The following TRPC1 variants were observed in gnomAD, a reference collection of about 807,000 sequenced individuals.
TRPC1 encodes short transient receptor potential channel 1.
TRPC1 carries 42 observed loss-of-function variants against 88.2 expected under a neutral mutation model. That is an observed-to-expected ratio of 0.48 (90% CI 0.37 to 0.62). The LOEUF (loss-of-function observed/expected upper bound fraction) is 0.62, where lower values mean the gene tolerates loss of function less well. Ranked by LOEUF, TRPC1 falls within the 20% of genes least tolerant of loss-of-function variation. The pLI, the probability that TRPC1 is intolerant of heterozygous loss-of-function variation, is 0.00. For missense variants in TRPC1, 699 were observed against 957.3 expected (o/e 0.73, Z 3.56); for synonymous variants, 288 against 331.8 (o/e 0.87, Z 1.43).
intron 3 of TRPC1, among the ~76,000 whole-genome samples, chr3:142,743,961 T>A (rs1377492038): frequency 6.6e-6 from 1 of 152,144 alleles, no homozygotes; most frequent in Non-Finnish European, 1.5e-5. Context: ...AGAAAGACTT[T>A]ATGTGCATAA....
At chr3:142,800,031 C>T (rs982207688) in intron 9 of TRPC1, among the ~76,000 whole-genome samples, 4 of 152,094 alleles carry the variant, frequency 2.6e-5, no homozygotes, top group Non-Finnish European at 4.4e-5. Flanking sequence ...TCAAGGTGAT[C>T]TTTTCTGTAG....
At chr3:142,779,061 GT>G (rs1935874844) in intron 5 of TRPC1, among the ~76,000 whole-genome samples, 1 of 152,062 alleles carries the variant, frequency 6.6e-6, no homozygotes, top group African/African-American at 2.4e-5. Context: ...CATAATTTGA[GT>G]CTGAGTTATA....
chr3:142,797,593 T>C (rs1487864291), intron 9 of TRPC1, among the ~76,000 whole-genome samples: 1 of 152,156 alleles, frequency 6.6e-6, no homozygotes, highest in Non-Finnish European at 1.5e-5. Context: ...TACAAATGAA[T>C]GAACATCCCC....
At chr3:142,733,092 T>G (rs962797478) in intron 1 of TRPC1, among the ~76,000 whole-genome samples, 2 of 151,934 alleles carry the variant, frequency 1.3e-5, no homozygotes, top group Admixed American at 1.3e-4. Flanking sequence ...TTCATTTGCA[T>G]GACTGTGTTA....
intron 9 of TRPC1, among the ~76,000 whole-genome samples, chr3:142,799,154 C>T (rs1214319371): frequency 6.6e-6 from 1 of 151,960 alleles, no homozygotes; most frequent in East Asian, 1.9e-4. Context: ...TAGTAGTTTG[C>T]TTTAATTTCC....
At chr3:142,757,146 T>A (rs946735578) in intron 4 of TRPC1, among the ~76,000 whole-genome samples, 28 of 152,098 alleles carry the variant, frequency 1.8e-4, no homozygotes, top group Non-Finnish European at 3.8e-4. Flanking sequence ...TTAGGTTGAG[T>A]CCATATCTTG....
At position 142,784,808 on chromosome 3, in the gene TRPC1, G is replaced by A. The variant is rs761607753; in HGVS notation, c.1065G>A (p.Leu355=). The A allele has an allele frequency of 6.2e-7, 1 of 1,614,136 alleles. No individual in the cohort carries two copies. The highest frequency in any genetic ancestry group is 1.1e-5 in the South Asian group (1 of 91,084). Residue 355 remains leucine, a synonymous_variant, in exon 7 of 13, where the codon TTG becomes TTA. Coordinates refer to ENST00000476941, the MANE Select transcript of TRPC1 (RefSeq NM_001251845.2). ...CCTGTAAGAAGATAATGACTGTTTT[G>A]ACAGTAGGCATCTTTTGGCCAGTTT... ...KPTCKKIMTV[L]TVGIFWPVLS... is the part of the protein sequence containing the mutation.
Position 142,805,967 on chromosome 3 carries a change from T to C in TRPC1, c.2155-41T>C, listed in dbSNP as rs773503801. 8 of 1,551,806 alleles carry C rather than the reference T, an allele frequency of 5.2e-6. No individual in the cohort carries two copies. The South Asian group carries it at 9.4e-5, about 18-fold the overall frequency. ...TTTTGAACTCTACCTCATTTAAATA[T>C]CGTTTCTGCATATCCTTAGTATCAT... On this transcript the variant is annotated intron_variant, in intron 12 of 12. Transcript: ENST00000476941.
At chr3:142,764,910 A>G (rs1296559041) in intron 4 of TRPC1, among the ~76,000 whole-genome samples, 1 of 151,914 alleles carries the variant, frequency 6.6e-6, no homozygotes, top group Non-Finnish European at 1.5e-5. Context: ...CTTTTGAGGT[A>G]CTCTTTTATA....
intron 1 of TRPC1, among the ~76,000 whole-genome samples, chr3:142,729,962 T>C (rs547640197): frequency 1.6e-4 from 25 of 152,308 alleles, no homozygotes; most frequent in African/African-American, 5.5e-4. Context: ...GCACTGTTAT[T>C]AATAGCTTCT....
intron 11 of TRPC1, 74 bp downstream of exon 11, chr3:142,804,252 A>C: frequency 8.0e-7 from 1 of 1,248,254 alleles, no homozygotes. Context: ...AAGATAGCCA[A>C]AGATTATAAG....
chr3:142,756,691 T>TA (rs2108064084), intron 4 of TRPC1, among the ~76,000 whole-genome samples: 1 of 152,264 alleles, frequency 6.6e-6, no homozygotes, highest in South Asian at 2.1e-4. Context: ...GCCACATACT[T>TA]ACTGAAACTT....
At chr3:142,757,979 C>T (rs1935036643) in intron 4 of TRPC1, among the ~76,000 whole-genome samples, 1 of 151,720 alleles carries the variant, frequency 6.6e-6, no homozygotes, top group African/African-American at 2.4e-5. Flanking sequence ...CAATTATACT[C>T]TTTTATAATG....
At chr3:142,804,240 A>T in intron 11 of TRPC1, 62 bp downstream of exon 11, 1 of 1,455,630 alleles carries the variant, frequency 6.9e-7, no homozygotes, top group Non-Finnish European at 9.5e-7. Context: ...CATACAATAG[A>T]TAAGATAGCC....
At chr3:142,728,885 A>G (rs1933788584) in intron 1 of TRPC1, among the ~76,000 whole-genome samples, 1 of 152,184 alleles carries the variant, frequency 6.6e-6, no homozygotes, top group South Asian at 2.1e-4. Flanking sequence ...AGTACTGAGT[A>G]TTGGTGTGAA....
Position 142,804,441 on chromosome 3 carries a change from T to A in TRPC1, c.1965T>A (p.His655Gln). 6.2e-7 allele frequency: 1 copy of A among 1,609,954 alleles called. No individual in the cohort carries two copies. The highest frequency in any genetic ancestry group is 8.5e-7 in the Non-Finnish European group (1 of 1,178,548). The part of the protein sequence containing the change: ...LHKSFQLIAN[H>Q]EDKEWKFARA... Reference sequence around the variant, plus strand: ...TTAATTTGCCTTTTATATAGAATCATGAAGACAAAGAATGGAAGTTTGCTC... The same window carrying A: ...TTAATTTGCCTTTTATATAGAATCAAGAAGACAAAGAATGGAAGTTTGCTC... Residue 655 changes from histidine to glutamine, a missense_variant, in exon 12 of 13, where the codon CAT becomes CAA. Transcript: ENST00000476941.
At chr3:142,802,752 T>A (rs1306045793) in intron 10 of TRPC1, among the ~76,000 whole-genome samples, 1 of 152,164 alleles carries the variant, frequency 6.6e-6, no homozygotes, top group Non-Finnish European at 1.5e-5. Context: ...TTTTAAGAGG[T>A]CATTAGAATT....
At chr3:142,742,363 G>C (rs1248442814) in intron 2 of TRPC1, among the ~76,000 whole-genome samples, 1 of 152,050 alleles carries the variant, frequency 6.6e-6, no homozygotes, top group Non-Finnish European at 1.5e-5. Context: ...AGTGCAATGG[G>C]TTAAATTTCC....
intron 7 of TRPC1, among the ~76,000 whole-genome samples, chr3:142,788,987 T>C (rs1936215709): frequency 6.6e-6 from 1 of 152,222 alleles, no homozygotes; most frequent in Non-Finnish European, 1.5e-5. Context: ...ATTCATGTTG[T>C]AAGTTTTTGT....
Sources: allele counts gnomAD v4.1 joint callset (sites outside exome capture counted in the v4.1 genomes callset), GRCh38; gene constraint gnomAD v4.1.1; transcripts MANE v1.5; gene names NCBI Gene and HGNC (gene_info 2026-07-23, HGNC 2026-07-21).